ATXN8OS: variants seen among roughly 807,000 people sequenced by gnomAD.
ATXN8OS encodes ATXN8 opposite strand (non-protein coding).
chr13:70,161,461 C>A (rs2137505039), intron 4 of ATXN8OS, among the ~76,000 whole-genome samples: 1 of 151,532 alleles, frequency 6.6e-6, no homozygotes, highest in Non-Finnish European at 1.5e-5. Flanking sequence ...CCTAGGCAAT[C>A]TATATGATCC....
intron 4 of ATXN8OS, among the ~76,000 whole-genome samples, chr13:70,148,948 A>G (rs901370502): frequency 1.3e-5 from 2 of 152,156 alleles, no homozygotes; most frequent in Non-Finnish European, 2.9e-5. Flanking sequence ...TTTGCTTTTA[A>G]CACACACACT....
chr13:70,133,741 G>A (rs149583), intron 3 of ATXN8OS, among the ~76,000 whole-genome samples: 133,662 of 152,118 alleles, frequency 0.88, 58,911 homozygotes, highest in East Asian at 1. Context: ...GCTCCCAGCC[G>A]TTGGGAGAGT....
intron 3 of ATXN8OS, among the ~76,000 whole-genome samples, chr13:70,141,418 GTATT>G (rs1268353196): frequency 1.3e-5 from 2 of 152,070 alleles, no homozygotes; most frequent in Non-Finnish European, 2.9e-5. Flanking sequence ...CATAATGAAA[GTATT>G]TATAACTGCA....
At chr13:70,128,544 A>AT (rs1888478144) in intron 2 of ATXN8OS, among the ~76,000 whole-genome samples, 1 of 140,788 alleles carries the variant, frequency 7.1e-6, no homozygotes, top group African/African-American at 2.8e-5. Context: ...GAGCTTAAAA[A>AT]TTAAAAAAAA....
rs187540459 is a variant in ATXN8OS, at chr13:70,160,790, T to A, written n.574-8963T>A. Among the ~76,000 whole-genome samples, 42 of 57,960 alleles carry A rather than the reference T, an allele frequency of 7.2e-4. 1 individual carries two copies. Among genetic ancestry groups the A allele is most frequent in the Non-Finnish European group, 1.3e-3 (34 of 26,562 alleles). 38.0% of individuals were successfully genotyped at this position (57,960 alleles called of 152,430 possible). A position where few individuals can be genotyped will look rare whatever the true frequency, so the allele number is the denominator to read the frequency against. ...AATATGTAAATATATAAATATTTATTTATAAATATATTTATTATAAATATA... is the reference window on the plus strand; with the variant it reads ...AATATGTAAATATATAAATATTTATATATAAATATATTTATTATAAATATA... On this transcript the variant is annotated intron_variant and non_coding_transcript_variant, in intron 4 of 4. Coordinates refer to ENST00000678624, the Ensembl canonical transcript of ATXN8OS.
Position 70,146,405 on chromosome 13 carries a change from C to A in ATXN8OS, n.500-950C>A, listed in dbSNP as rs1477962141. Among the ~76,000 whole-genome samples, 3 of 151,902 alleles carry A rather than the reference C, an allele frequency of 2.0e-5. No individual in the cohort carries two copies. In the East Asian group the frequency reaches 5.8e-4, roughly 30 times the overall value. On this transcript the variant is annotated intron_variant and non_coding_transcript_variant, in intron 3 of 4. Coordinates refer to ENST00000678624, the Ensembl canonical transcript of ATXN8OS. The stretch of plus-strand genomic sequence containing the variant: ...GAAATACCATTTGACCCAGCCATCC[C>A]ATTACTGGGTATATACCCAAAGGGC...
At chr13:70,151,056 G>A (rs1888859061) in intron 4 of ATXN8OS, among the ~76,000 whole-genome samples, 3 of 152,034 alleles carry the variant, frequency 2.0e-5, no homozygotes, top group East Asian at 1.9e-4. Context: ...TGCTTGCACT[G>A]GTGAAACCAT....
Position 70,148,701 on chromosome 13 carries a change from CT to C in ATXN8OS, n.573+1274del, listed in dbSNP as rs547204909. On this transcript the variant is annotated intron_variant and non_coding_transcript_variant, in intron 4 of 4. Transcript: ENST00000678624. ...TCAAAAATTTCGTAAACTAAAATTT[CT>C]CCTGAGATTCATTTTAGAAGAATTT... Among the ~76,000 whole-genome samples, 156 of 152,126 alleles carry C rather than the reference CT, an allele frequency of 1.0e-3. 1 individual carries two copies. Among genetic ancestry groups the C allele is most frequent in the African/African-American group, 3.6e-3 (148 of 41,518 alleles).
chr13:70,166,989 T>C (rs1398606852), intron 4 of ATXN8OS, among the ~76,000 whole-genome samples: 2 of 151,706 alleles, frequency 1.3e-5, no homozygotes, highest in Non-Finnish European at 2.9e-5. Context: ...CCAGTTAGAA[T>C]GGCAATCATT....
At chr13:70,134,964 T>C (rs555779139) in intron 3 of ATXN8OS, among the ~76,000 whole-genome samples, 1 of 152,310 alleles carries the variant, frequency 6.6e-6, no homozygotes, top group South Asian at 2.1e-4. Flanking sequence ...TGTGGACTCT[T>C]GTTCTCTTGG....
At chr13:70,162,834 G>A (rs1395921156) in intron 4 of ATXN8OS, among the ~76,000 whole-genome samples, 1 of 151,976 alleles carries the variant, frequency 6.6e-6, no homozygotes, top group African/African-American at 2.4e-5. Flanking sequence ...TCAGTAGCCT[G>A]CAAATTACAC....
At chr13:70,152,315 T>C (rs547810267) in intron 4 of ATXN8OS, among the ~76,000 whole-genome samples, 1 of 151,882 alleles carries the variant, frequency 6.6e-6, no homozygotes, top group East Asian at 1.9e-4. Context: ...ATGTTTTCTT[T>C]ATATCGTCTA....
intron 2 of ATXN8OS, among the ~76,000 whole-genome samples, chr13:70,126,520 C>G (rs1204585579): frequency 6.6e-6 from 1 of 151,752 alleles, no homozygotes; most frequent in Non-Finnish European, 1.5e-5. Context: ...TATGAGTAAA[C>G]CATATATCTC....
exon 3 of ATXN8OS, chr13:70,129,799 C>A (rs1375015941): frequency 7.5e-6 from 3 of 398,298 alleles, no homozygotes; most frequent in East Asian, 3.6e-5. Flanking sequence ...GCAACCACCC[C>A]ATCAATGACA....
chr13:70,122,610 A>C (rs1888375953), intron 2 of ATXN8OS, among the ~76,000 whole-genome samples: 1 of 152,152 alleles, frequency 6.6e-6, no homozygotes, highest in East Asian at 1.9e-4. Flanking sequence ...CATTTCTTCT[A>C]ATGTTTATAA....
intron 4 of ATXN8OS, among the ~76,000 whole-genome samples, chr13:70,159,951 T>C (rs670543): frequency 0.84 from 128,135 of 152,216 alleles, 54,338 homozygotes; most frequent in South Asian, 0.92. Flanking sequence ...TTGGGTTGTT[T>C]CTAATTTTAG....
intron 2 of ATXN8OS, among the ~76,000 whole-genome samples, chr13:70,116,034 A>G (rs758925717): frequency 5.3e-5 from 8 of 152,100 alleles, no homozygotes; most frequent in Non-Finnish European, 8.8e-5. Context: ...ATTTAAATCC[A>G]TAAGCTTTAG....
chr13:70,120,762 T>A (rs1383522334), intron 2 of ATXN8OS, among the ~76,000 whole-genome samples: 1 of 152,110 alleles, frequency 6.6e-6, no homozygotes, highest in Non-Finnish European at 1.5e-5. Flanking sequence ...TGAGTTCATG[T>A]CCTTTGTAGG....
chr13:70,135,738 G>C (rs1008449404), intron 3 of ATXN8OS, among the ~76,000 whole-genome samples: 1 of 152,062 alleles, frequency 6.6e-6, no homozygotes, highest in Non-Finnish European at 1.5e-5. Flanking sequence ...ACACTCATGG[G>C]TGTACCACTA....
Sources: allele counts gnomAD v4.1 joint callset (sites outside exome capture counted in the v4.1 genomes callset), GRCh38; gene constraint gnomAD v4.1.1; transcripts MANE v1.5; gene names NCBI Gene and HGNC (gene_info 2026-07-23, HGNC 2026-07-21).